Variants in AXDND1 observed in about 807,000 individuals in gnomAD.
The protein encoded by AXDND1 is axonemal dynein light chain domain containing 1.
AXDND1 carries 110 observed loss-of-function variants against 137.5 expected under a neutral mutation model. That is an observed-to-expected ratio of 0.80 (90% CI 0.69 to 0.94). The LOEUF (loss-of-function observed/expected upper bound fraction) is 0.94. Among genes scored for constraint, AXDND1 ranks in the 40% least tolerant of loss-of-function variants. AXDND1 has a pLI of 0.00. For missense variants in AXDND1, 1,191 were observed against 1,169.8 expected, an observed-to-expected ratio of 1.02 and a Z score of -0.26; for synonymous variants, 414 against 399.7, an observed-to-expected ratio of 1.04 and a Z score of -0.43.
intron 20 of AXDND1, among the ~76,000 whole-genome samples, chr1:179,498,304 A>G (rs1667662091): frequency 6.6e-6 from 1 of 151,828 alleles, no homozygotes; most frequent in South Asian, 2.1e-4. Flanking sequence ...AAAAACAGAC[A>G]TGTAGACTAA....
At chr1:179,432,918 A>G (rs1227749507) in intron 15 of AXDND1, among the ~76,000 whole-genome samples, 1 of 151,866 alleles carries the variant, frequency 6.6e-6, no homozygotes, top group African/African-American at 2.4e-5. Flanking sequence ...AAAAAAATGC[A>G]ATGTTAAGTT....
At chr1:179,518,223 C>A (rs1669724256) in intron 21 of AXDND1, among the ~76,000 whole-genome samples, 1 of 152,122 alleles carries the variant, frequency 6.6e-6, no homozygotes, top group South Asian at 2.1e-4. Flanking sequence ...ATGAACAGGG[C>A]TGATTTGTCT....
At chr1:179,367,981 T>C (rs1218117044) in intron 2 of AXDND1, among the ~76,000 whole-genome samples, 1 of 152,058 alleles carries the variant, frequency 6.6e-6, no homozygotes, top group Non-Finnish European at 1.5e-5. Context: ...CTTTTTTTTT[T>C]TTCTTCTGTT....
intron 16 of AXDND1, chr1:179,451,593 CT>C (rs1660560766): frequency 6.6e-6 from 1 of 152,136 alleles, no homozygotes; most frequent in Admixed American, 6.5e-5. Flanking sequence ...CAAATCTCAT[CT>C]TGAATTTCCA....
At chr1:179,441,175 A>G (rs1226429590) in intron 15 of AXDND1, among the ~76,000 whole-genome samples, 1 of 152,176 alleles carries the variant, frequency 6.6e-6, no homozygotes. Context: ...ATTCTGATGA[A>G]TTTTGAGCAG....
At chr1:179,457,455 T>G (rs1458257119) in intron 16 of AXDND1, 1 of 236,848 alleles carries the variant, frequency 4.2e-6, no homozygotes, top group Non-Finnish European at 8.3e-6. Flanking sequence ...TTAGAAGATG[T>G]AGTATTTACT....
Position 179,445,219 on chromosome 1 carries a change from A to G in AXDND1, c.1798+15A>G, listed in dbSNP as rs961458857. The G allele has an allele frequency of 2.8e-6, 4 of 1,418,890 alleles. No individual in the cohort carries two copies. Among genetic ancestry groups the G allele is most frequent in the Non-Finnish European group, 3.8e-6 (4 of 1,042,618 alleles). The allele number at this position is 1,418,890 out of a possible 1,614,324, so 87.9% of individuals were successfully genotyped here. ...TGGGGACAATGGTAAGAAAATACTC[A>G]TAATAATTAGATTTCTTGGTATAAA... On this transcript the variant is annotated intron_variant, in intron 16 of 25. Coordinates refer to ENST00000367618, the MANE Select transcript of AXDND1 (RefSeq NM_144696.6).
chr1:179,385,461 T>A (rs529247119), intron 9 of AXDND1, 102 bp downstream of exon 9: 1 of 1,338,780 alleles, frequency 7.5e-7, no homozygotes, highest in East Asian at 2.3e-5. Context: ...ACTTCTCTAT[T>A]CTACTGATCG....
At chr1:179,379,807 A>G (rs1373179043) in intron 6 of AXDND1, among the ~76,000 whole-genome samples, 3 of 151,298 alleles carry the variant, frequency 2.0e-5, no homozygotes, top group African/African-American at 7.3e-5. Flanking sequence ...AAAAAAAAAA[A>G]AAAAAAAAAA....
intron 14 of AXDND1, 67 bp downstream of exon 14, chr1:179,430,673 G>C: frequency 6.7e-7 from 1 of 1,503,428 alleles, no homozygotes; most frequent in Non-Finnish European, 9.0e-7. Context: ...AATTCTCTGT[G>C]TTCCTCCTTC....
intron 25 of AXDND1, among the ~76,000 whole-genome samples, chr1:179,542,390 G>A (rs1381069156): frequency 6.6e-6 from 1 of 152,076 alleles, no homozygotes; most frequent in Non-Finnish European, 1.5e-5. Flanking sequence ...CGCAGCCCCT[G>A]GCCCTAGGTA....
At chr1:179,446,148 T>C (rs1195284811) in intron 16 of AXDND1, among the ~76,000 whole-genome samples, 2 of 152,210 alleles carry the variant, frequency 1.3e-5, no homozygotes, top group Non-Finnish European at 2.9e-5. Context: ...TTTGGAGAAA[T>C]GTCTGCTCAG....
At chr1:179,474,216 C>CAA (rs66935956) in intron 17 of AXDND1, among the ~76,000 whole-genome samples, 19 of 92,162 alleles carry the variant, frequency 2.1e-4, no homozygotes, top group Non-Finnish European at 2.9e-4. Context: ...GACTCCACCT[C>CAA]AAAAAAAAAA....
intron 23 of AXDND1, chr1:179,532,835 T>C (rs1461703011): frequency 1.3e-5 from 2 of 152,214 alleles, no homozygotes; most frequent in African/African-American, 4.8e-5. Flanking sequence ...CAGTGAGCTA[T>C]GATTGTGCCA....
intron 25 of AXDND1, among the ~76,000 whole-genome samples, chr1:179,542,380 C>T (rs1294128183): frequency 2.0e-5 from 3 of 152,142 alleles, no homozygotes; most frequent in South Asian, 2.1e-4. Context: ...GCCAACTGCT[C>T]GCAGCCCCTG....
At chr1:179,441,295 G>A (rs1209916188) in intron 15 of AXDND1, among the ~76,000 whole-genome samples, 1 of 152,172 alleles carries the variant, frequency 6.6e-6, no homozygotes, top group African/African-American at 2.4e-5. Flanking sequence ...ACATATGGCG[G>A]CATTCCTTTT....
rs185668284 is a variant in AXDND1, at chr1:179,366,380, A to T, written c.-106-24A>T. The T allele has an allele frequency of 0.082, 38,981 of 478,286 alleles. 2,114 individuals are homozygous for T. Among genetic ancestry groups the T allele is most frequent in the African/African-American group, 0.28 (12,857 of 45,712 alleles). The allele number at this position is 478,286 out of a possible 1,614,324, so 29.6% of individuals were successfully genotyped here. A position where few individuals can be genotyped will look rare whatever the true frequency, so the allele number is the denominator to read the frequency against. ...AGTTGTCATCTTTTTTTTTTTTTTT[A>T]AATCTTTTTTCCTCTGCCTGCAGGA... On this transcript the variant is annotated intron_variant, in intron 1 of 25. Transcript: ENST00000367618.
At chr1:179,418,890 A>C (rs1196314779) in intron 12 of AXDND1, among the ~76,000 whole-genome samples, 2 of 148,608 alleles carry the variant, frequency 1.3e-5, no homozygotes, top group African/African-American at 2.5e-5. Flanking sequence ...GGGTCTCCTC[A>C]CTTCTCAGAC....
Position 179,525,373 on chromosome 1 carries a change from T to C in AXDND1, c.2536T>C (p.Ser846Pro). The C allele has an allele frequency of 6.2e-7, 1 of 1,612,200 alleles. No individual in the cohort carries two copies. Among genetic ancestry groups the C allele is most frequent in the Non-Finnish European group, 8.5e-7 (1 of 1,178,884 alleles). ...ATTCATTGAGCCTGAAATAGACGAG[T>C]CTTTTAAAGAAGATGAAGAAGAAAG... is the stretch of plus-strand genomic sequence containing the variant. The part of the protein sequence containing the change: ...KEFIEPEIDE[S>P]FKEDEEESKE... Residue 846 changes from serine to proline, a missense_variant, in exon 22 of 26, where the codon TCT becomes CCT. Physicochemically the swap from Ser to Pro is moderately conservative, Grantham distance 74. Coordinates refer to ENST00000367618, the MANE Select transcript of AXDND1 (RefSeq NM_144696.6).
Sources: gnomAD v4.1 joint callset for allele counts (sites outside exome capture counted in the v4.1 genomes callset) on GRCh38, gnomAD v4.1.1 for gene constraint, MANE v1.5 for transcripts, NCBI Gene and HGNC (gene_info 2026-07-23, HGNC 2026-07-21) for gene names.